CACNA1H: variants seen among roughly 807,000 people sequenced by gnomAD.
CACNA1H encodes the protein calcium voltage-gated channel subunit alpha1 H, also known as voltage-dependent T-type calcium channel subunit alpha-1H.
CACNA1H carries 149 observed loss-of-function variants against 192.5 expected under a neutral mutation model. The ratio of observed to expected loss-of-function variants is 0.77; its 90% confidence interval spans 0.68 to 0.89. CACNA1H has a LOEUF of 0.89. Ranked by LOEUF, CACNA1H falls within the 40% of genes least tolerant of loss-of-function variation. CACNA1H has a pLI of 0.00. For synonymous variants in CACNA1H, 2,202 were observed against 1,475.2 expected, an observed-to-expected ratio of 1.49 and a Z score of -11.29; for missense variants, 4,257 against 3,423.5, an observed-to-expected ratio of 1.24 and a Z score of -6.08.
At chr16:1,171,716 T>G (rs1207895984) in intron 2 of CACNA1H, among the ~76,000 whole-genome samples, 1 of 151,742 alleles carries the variant, frequency 6.6e-6, no homozygotes, top group African/African-American at 2.4e-5. Flanking sequence ...ACCACCACCC[T>G]CCCTCCCTCC....
At chr16:1,156,966 T>TAA (rs1261330261) in intron 2 of CACNA1H, 1 of 152,206 alleles carries the variant, frequency 6.6e-6, no homozygotes, top group Non-Finnish European at 1.5e-5. Flanking sequence ...ATAATTGTCT[T>TAA]AGAACTTTTG....
chr16:1,204,931 G>T (rs1968486525), intron 10 of CACNA1H, among the ~76,000 whole-genome samples, 183 bp from the exon 11 acceptor site: 2 of 22,900 alleles, frequency 8.7e-5, no homozygotes, highest in Non-Finnish European at 9.3e-5. Context: ...TCAGTGCCGG[G>T]GAGGGGTGGG....
At chr16:1,206,814 G>A in intron 12 of CACNA1H, 187 bp from the exon 13 acceptor site, 1 of 588,370 alleles carries the variant, frequency 1.7e-6, no homozygotes, top group Non-Finnish European at 3.0e-6. Context: ...CTACTGAGTT[G>A]TAGGGCAGGA....
chr16:1,184,494 C>G (rs781376086), intron 2 of CACNA1H, among the ~76,000 whole-genome samples: 1 of 152,234 alleles, frequency 6.6e-6, no homozygotes, highest in African/African-American at 2.4e-5. Context: ...GCTCGTTTCC[C>G]GGCCCTCACC....
At chr16:1,205,343 A>C in intron 11 of CACNA1H, 78 bp downstream of exon 11, 4 of 1,424,408 alleles carry the variant, frequency 2.8e-6, no homozygotes, top group Non-Finnish European at 3.8e-6. Context: ...TGCAGAGCAA[A>C]ACCCAGAGCA....
rs774592173 is a variant in CACNA1H at position 1,220,462 on chromosome 16, C to T, written c.6530C>T (p.Pro2177Leu). 4 of 1,544,676 alleles carry T rather than the reference C, an allele frequency of 2.6e-6. No individual in the cohort carries two copies. Among genetic ancestry groups the T allele is most frequent in the African/African-American group, 1.4e-5 (1 of 71,836 alleles). Residue 2177 changes from proline to leucine, a missense_variant, in exon 35 of 35, where the codon CCC (proline) becomes CTC (leucine). Physicochemically the swap from Pro to Leu is moderately conservative, Grantham distance 98. Transcript: ENST00000348261. ...AAGGCCTGGGGCCCTGAGGCCGAGC[C>T]CGCTCTGGGTGCGCGCAGAAAGAAG... ...EAKAWGPEAEPALGARRKKKM... is the reference protein window; with the variant it reads ...EAKAWGPEAELALGARRKKKM...
In CACNA1H at chr16:1,180,830, C is replaced by T. The variant is rs113329446; in HGVS notation, c.300-14142C>T. Among the ~76,000 whole-genome samples the T allele has an allele frequency of 6.1e-3, 927 of 152,282 alleles. 4 individuals are homozygous for T. Among genetic ancestry groups the T allele is most frequent in the African/African-American group, 0.021 (890 of 41,562 alleles). On this transcript the variant is annotated intron_variant, in intron 2 of 34. Coordinates refer to ENST00000348261, the MANE Select transcript of CACNA1H (RefSeq NM_021098.3). This position sits in a 1 kb window ranked among gnomAD's most constrained non-coding sequence, Gnocchi z 4.4. ...GGTCAGCCCTGGTCCACAGCCACCC[C>T]GCCCTGGACTCCCCGGGCCAGCACC... is the stretch of plus-strand genomic sequence containing the variant.
intron 2 of CACNA1H, among the ~76,000 whole-genome samples, chr16:1,173,537 C>G (rs1490370644): frequency 6.6e-6 from 1 of 152,194 alleles, no homozygotes; most frequent in African/African-American, 2.4e-5. Flanking sequence ...CAATAATAAG[C>G]CCTTTGTGTG....
chr16:1,210,216 T>C, intron 18 of CACNA1H, 81 bp downstream of exon 18: 1 of 1,300,474 alleles, frequency 7.7e-7, no homozygotes, highest in Non-Finnish European at 1.1e-6. Context: ...TGGGTGGGGC[T>C]AGCACATGGT....
At chr16:1,183,167 C>G (rs1029478899) in intron 2 of CACNA1H, among the ~76,000 whole-genome samples, 1 of 152,030 alleles carries the variant, frequency 6.6e-6, no homozygotes, top group South Asian at 2.1e-4. Flanking sequence ...CCCTGGAACC[C>G]GGTACCCTCC....
At chr16:1,211,424 C>T in intron 22 of CACNA1H, 57 bp from the exon 23 acceptor site, 1 of 1,609,612 alleles carries the variant, frequency 6.2e-7, no homozygotes, top group South Asian at 1.1e-5. Context: ...CCCAGGAAGT[C>T]CGGTGTGGGG....
chr16:1,187,017 T>C (rs1167799232), intron 2 of CACNA1H, among the ~76,000 whole-genome samples: 1 of 152,236 alleles, frequency 6.6e-6, no homozygotes, highest in Non-Finnish European at 1.5e-5. Context: ...TCTCTTGATG[T>C]GGGACCAAAG....
Position 1,205,163 on chromosome 16 carries a change from G to A in CACNA1H, c.2501G>A (p.Ser834Asn), listed in dbSNP as rs1386150404. Reference protein sequence around the residue: ...ALEISNIVFTSMFALEMLLKL... With the variant: ...ALEISNIVFTNMFALEMLLKL... ...GAGATCAGCAACATCGTGTTCACCA[G>A]CATGTTTGCCCTGGAGATGCTGCTG... The change falls in exon 11 of 35, where the codon AGC becomes AAC. Residue 834 changes from serine to asparagine, a missense_variant. Coordinates refer to ENST00000348261, the MANE Select transcript of CACNA1H (RefSeq NM_021098.3). 1 of 1,612,880 alleles carries A rather than the reference G, an allele frequency of 6.2e-7. No individual in the cohort carries two copies. Among genetic ancestry groups the A allele is most frequent in the Non-Finnish European group, 8.5e-7 (1 of 1,179,790 alleles).
At chr16:1,177,805 A>G (rs1470407431) in intron 2 of CACNA1H, among the ~76,000 whole-genome samples, 1 of 151,812 alleles carries the variant, frequency 6.6e-6, no homozygotes, top group Non-Finnish European at 1.5e-5. Flanking sequence ...GGTCCTTGTT[A>G]CAAGGGCATT....
chr16:1,176,606 A>G lies in CACNA1H; in HGVS notation c.300-18366A>G, dbSNP rs1964916504. Among the ~76,000 whole-genome samples, 5 of 152,292 alleles carry G rather than the reference A, an allele frequency of 3.3e-5. No individual in the cohort carries two copies. The South Asian group carries it at 6.2e-4, about 19-fold the overall frequency. On this transcript the variant is annotated intron_variant, in intron 2 of 34. Transcript: ENST00000348261. ...AATCTGGGTCTCAGGTGACCCCCCA[A>G]CCAAGGGGTTCCGGGTTTGTCTGCA...
intron 6 of CACNA1H, among the ~76,000 whole-genome samples, chr16:1,199,217 C>A (rs577012281): frequency 5.7e-4 from 13 of 22,916 alleles, no homozygotes; most frequent in Non-Finnish European, 9.8e-4. Flanking sequence ...TGCACATATG[C>A]CCCACCCCCA....
chr16:1,196,117 C>A, intron 5 of CACNA1H, 94 bp downstream of exon 5: 2 of 1,023,660 alleles, frequency 2.0e-6, no homozygotes, highest in Non-Finnish European at 3.0e-6. Context: ...GAGCACAGGA[C>A]TGGGAAATGA....
rs1325273276 is a variant in CACNA1H, at chr16:1,209,289, C to T, written c.3621C>T (p.Ala1207=). Residue 1207 remains alanine, a synonymous_variant, in exon 17 of 35, where the codon GCC becomes GCT. Transcript: ENST00000348261. The part of the protein sequence containing the change: ...ESLDPRPLRP[A]ALPPTKCRDR... ...TGGACCCACGGCCCCTGCGGCCGGC[C>T]GCCCTCCCGCCTACCAAGTGCCGCG... 3.3e-5 allele frequency: 52 copies of T among 1,574,720 alleles called. No individual in the cohort carries two copies. Among genetic ancestry groups the T allele is most frequent in the East Asian group, 1.2e-4 (5 of 42,922 alleles).
intron 10 of CACNA1H, among the ~76,000 whole-genome samples, chr16:1,204,694 G>C (rs1968440957): frequency 6.6e-6 from 1 of 151,284 alleles, no homozygotes; most frequent in Non-Finnish European, 1.5e-5. Context: ...CTCCTTTTGA[G>C]ATGCTGCTGC....
Sources: allele counts gnomAD v4.1 joint callset (sites outside exome capture counted in the v4.1 genomes callset), GRCh38; gene constraint gnomAD v4.1.1; non-coding constraint Gnocchi (gnomAD v3.1); transcripts MANE v1.5; gene names NCBI Gene and HGNC (gene_info 2026-07-23, HGNC 2026-07-21).